SLC25A31: variants seen among roughly 807,000 people sequenced by gnomAD.
SLC25A31 encodes ADP/ATP translocase 4.
A neutral mutation model predicts 36.2 loss-of-function variants in SLC25A31; 40 were observed. That is an observed-to-expected ratio of 1.10 (90% CI 0.86 to 1.44). The LOEUF (loss-of-function observed/expected upper bound fraction) is 1.44, where lower values mean the gene tolerates loss of function less well. Among genes scored for constraint, SLC25A31 ranks in the 40% most tolerant of loss-of-function variants. The probability of loss-of-function intolerance (pLI) is 0.00; values close to 1 mark genes in which losing one functional copy is unlikely to be tolerated. For synonymous variants in SLC25A31, 143 were observed against 149.7 expected, an observed-to-expected ratio of 0.96 and a Z score of 0.32; for missense variants, 350 against 397.1, an observed-to-expected ratio of 0.88 and a Z score of 1.01.
rs182976167 is a variant in SLC25A31, at chr4:127,730,993, G to A, written c.232+216G>A. Among the ~76,000 whole-genome samples the A allele has an allele frequency of 2.8e-3, 423 of 152,274 alleles. 2 individuals carry two copies. The highest frequency in any genetic ancestry group is 9.6e-3 in the African/African-American group (399 of 41,560). ...TTGGTCCTGACCAAGTCCTGGTACC[G>A]GGGAGACCACTGCCTTCTCTTTCTC... On this transcript the variant is annotated intron_variant, in intron 1 of 5. Coordinates refer to ENST00000281154, the MANE Select transcript of SLC25A31 (RefSeq NM_031291.4).
intron 1 of SLC25A31, among the ~76,000 whole-genome samples, chr4:127,738,614 C>G (rs1247991575): frequency 6.6e-6 from 1 of 152,060 alleles, no homozygotes; most frequent in Non-Finnish European, 1.5e-5. Flanking sequence ...CTATAGATGT[C>G]TATTAGGTTC....
intron 3 of SLC25A31, among the ~76,000 whole-genome samples, chr4:127,765,598 C>A (rs947263250): frequency 5.3e-5 from 8 of 152,106 alleles, no homozygotes. Flanking sequence ...TATATGCACA[C>A]ATATTCACAC....
Position 127,767,137 on chromosome 4 carries a change from G to T in SLC25A31, c.550G>T (p.Gly184Cys), listed in dbSNP as rs1318654460. ...MKIAKSDGIA[G>C]LYQGFGVSVQ... ...AATAGCAAAATCAGATGGAATTGCT[G>T]GTTTATACCAAGGGTTTGGTGTTTC... The change falls in exon 4 of 6, where the codon GGT (glycine) becomes TGT (cysteine). Residue 184 changes from glycine to cysteine, a missense_variant. By Grantham distance (159) the Gly-to-Cys change is radical (BLOSUM62 -3). Transcript: ENST00000281154. The T allele has an allele frequency of 1.2e-6, 2 of 1,613,658 alleles. No homozygotes were observed. The highest frequency in any genetic ancestry group is 1.3e-5 in the African/African-American group (1 of 74,904).
chr4:127,735,894 TTA>T (rs200421728), intron 1 of SLC25A31, among the ~76,000 whole-genome samples: 35,139 of 111,866 alleles, frequency 0.31, 5,656 homozygotes, highest in Middle Eastern at 0.33. Flanking sequence ...ATTTATTTAT[TTA>T]TTTTTTTTTT....
At chr4:127,773,192 T>C (rs1338219992) in intron 5 of SLC25A31, among the ~76,000 whole-genome samples, 194 bp from the exon 6 acceptor site, 1 of 152,194 alleles carries the variant, frequency 6.6e-6, no homozygotes, top group East Asian at 1.9e-4. Flanking sequence ...TAACGCCTAA[T>C]GTATGGTCAG....
chr4:127,741,523 C>A (rs2085655), intron 1 of SLC25A31, among the ~76,000 whole-genome samples: 107,168 of 152,058 alleles, frequency 0.7, 38,172 homozygotes, highest in Middle Eastern at 0.8. Context: ...GACATTTACC[C>A]ATTTGTGCAT....
At position 127,769,895 on chromosome 4, in the gene SLC25A31, A is replaced by G. The variant is rs371830853; in HGVS notation, c.759+1018A>G. On this transcript the variant is annotated intron_variant, in intron 5 of 5. Transcript: ENST00000281154. ...AGAAGTAGTTCAGGATAGCCAGGTC[A>G]TAAGTTTTATGAGGGCAAGTGAAAA... Among the ~76,000 whole-genome samples the G allele has an allele frequency of 8.5e-5, 13 of 152,256 alleles. No homozygotes were observed. In the East Asian group the frequency reaches 9.6e-4, roughly 11 times the overall value.
intron 1 of SLC25A31, among the ~76,000 whole-genome samples, chr4:127,738,257 A>T (rs1258178241): frequency 1.3e-5 from 2 of 151,758 alleles, no homozygotes; most frequent in Non-Finnish European, 2.9e-5. Flanking sequence ...CACCCAGCTA[A>T]TTTTTTGTAT....
intron 2 of SLC25A31, among the ~76,000 whole-genome samples, chr4:127,753,453 T>C (rs1249034436): frequency 1.3e-5 from 2 of 152,098 alleles, no homozygotes; most frequent in African/African-American, 4.8e-5. Flanking sequence ...AAGTCTCATA[T>C]AAATCAGAAG....
intron 1 of SLC25A31, among the ~76,000 whole-genome samples, chr4:127,735,457 G>GT (rs888470541): frequency 2.0e-5 from 3 of 151,788 alleles, no homozygotes; most frequent in Admixed American, 1.3e-4. Flanking sequence ...TTCATATATT[G>GT]TTTTTTTGTT....
At chr4:127,747,881 T>C (rs1004041605) in intron 2 of SLC25A31, among the ~76,000 whole-genome samples, 4 of 152,140 alleles carry the variant, frequency 2.6e-5, no homozygotes, top group Non-Finnish European at 5.9e-5. Flanking sequence ...GCAAAGGTAC[T>C]CCAATTAAAA....
At chr4:127,740,466 A>C (rs2148754571) in intron 1 of SLC25A31, among the ~76,000 whole-genome samples, 1 of 152,326 alleles carries the variant, frequency 6.6e-6, no homozygotes, top group South Asian at 2.1e-4. Context: ...AGGCCAGTAG[A>C]TAGCATGTAC....
intron 2 of SLC25A31, among the ~76,000 whole-genome samples, chr4:127,751,444 T>C (rs1731930232): frequency 1.3e-5 from 2 of 152,254 alleles, no homozygotes; most frequent in East Asian, 3.9e-4. Context: ...AAGACTTAAA[T>C]GTTAGACCTA....
intron 1 of SLC25A31, among the ~76,000 whole-genome samples, chr4:127,735,463 T>C (rs567695155): frequency 6.6e-6 from 1 of 152,308 alleles, no homozygotes; most frequent in African/African-American, 2.4e-5. Context: ...TATTGTTTTT[T>C]TGTTTACAGT....
In SLC25A31 at chr4:127,730,410, G is replaced by A; in HGVS notation, c.-136G>A. The A allele has an allele frequency of 1.1e-6, 1 of 948,082 alleles. No individual in the cohort carries two copies. Among genetic ancestry groups the A allele is most frequent in the Non-Finnish European group, 1.6e-6 (1 of 643,656 alleles). The allele number at this position is 948,082 out of a possible 1,614,324, so 58.7% of individuals were successfully genotyped here. A position where few individuals can be genotyped will look rare whatever the true frequency, so the allele number is the denominator to read the frequency against. On this transcript the variant is annotated 5_prime_UTR_variant, in exon 1 of 6. Coordinates refer to ENST00000281154, the MANE Select transcript of SLC25A31 (RefSeq NM_031291.4). ...TTCCGCACGCGCCTCGCCGGCGCGC[G>A]GCTCTCTCAGCGTCCCAAGAGCCAC...
At chr4:127,735,196 A>G (rs919630824) in intron 1 of SLC25A31, among the ~76,000 whole-genome samples, 6 of 152,218 alleles carry the variant, frequency 3.9e-5, no homozygotes, top group Non-Finnish European at 8.8e-5. Flanking sequence ...AAACAATGAC[A>G]GTCTAATTGG....
chr4:127,762,761 A>C (rs936383643), intron 2 of SLC25A31, among the ~76,000 whole-genome samples: 2 of 151,972 alleles, frequency 1.3e-5, no homozygotes, highest in African/African-American at 4.8e-5. Context: ...TACTAAAAAA[A>C]AAATACAAGA....
At chr4:127,749,077 A>T (rs1731874451) in intron 2 of SLC25A31, among the ~76,000 whole-genome samples, 1 of 142,838 alleles carries the variant, frequency 7.0e-6, no homozygotes, top group Non-Finnish European at 1.5e-5. Flanking sequence ...TGAAACCATT[A>T]AAAAAAAAAA....
chr4:127,744,220 G>T (rs1342740721), intron 1 of SLC25A31, among the ~76,000 whole-genome samples: 2 of 152,108 alleles, frequency 1.3e-5, no homozygotes, highest in Non-Finnish European at 2.9e-5. Context: ...AAAGATAAGG[G>T]CACTTTAGAT....
Sources: gnomAD v4.1 joint callset for allele counts (sites outside exome capture counted in the v4.1 genomes callset) on GRCh38, gnomAD v4.1.1 for gene constraint, MANE v1.5 for transcripts, NCBI Gene and HGNC (gene_info 2026-07-23, HGNC 2026-07-21) for gene names.